SLC7A5: variants seen among roughly 807,000 people sequenced by gnomAD.
SLC7A5 encodes the protein large neutral amino acids transporter small subunit 1.
A neutral mutation model predicts 50.2 loss-of-function variants in SLC7A5; 23 were observed. The observed-to-expected ratio is 0.46, with a 90% confidence interval of 0.33 to 0.65. SLC7A5 has a LOEUF of 0.65. SLC7A5 is among the 30% of genes least tolerant of loss of function. The pLI is 0.02. For missense variants in SLC7A5, 578 were observed against 684.4 expected, an observed-to-expected ratio of 0.84 and a Z score of 1.73; for synonymous variants, 393 against 330.6, an observed-to-expected ratio of 1.19 and a Z score of -2.05.
At chr16:87,867,150 C>T (rs1297148625) in intron 1 of SLC7A5, among the ~76,000 whole-genome samples, 1 of 152,204 alleles carries the variant, frequency 6.6e-6, no homozygotes, top group Admixed American at 6.5e-5. Flanking sequence ...GAACTCCTGA[C>T]CTCGGTAGAT....
chr16:87,849,230 TG>T (rs34180161), intron 2 of SLC7A5, among the ~76,000 whole-genome samples: 65,529 of 152,060 alleles, frequency 0.43, 16,132 homozygotes, highest in African/African-American at 0.66. Context: ...TTGCGTCCAC[TG>T]GGGGGTATAA....
At position 87,861,789 on chromosome 16, in the gene SLC7A5, C is replaced by T. The variant is rs370979985; in HGVS notation, c.538+7096G>A. Reference sequence around the variant, plus strand: ...CCCAAGAAAAAAGGGTCACAAGTGCCCGTTAGGCTCTCCTGTGTGGCTCAG... The same window carrying T: ...CCCAAGAAAAAAGGGTCACAAGTGCTCGTTAGGCTCTCCTGTGTGGCTCAG... On this transcript the variant is annotated intron_variant, in intron 1 of 9. Transcript: ENST00000261622. The surrounding 1 kb of genome is among the most constrained non-coding windows in gnomAD (Gnocchi z 4.2). Among the ~76,000 whole-genome samples the T allele has an allele frequency of 6.6e-6, 1 of 152,206 alleles. No individual in the cohort carries two copies. Among genetic ancestry groups the T allele is most frequent in the East Asian group, 1.9e-4 (1 of 5,196 alleles).
Position 87,839,732 on chromosome 16 carries a change from C to T in SLC7A5, c.909G>A (p.Glu303=), listed in dbSNP as rs1183378115. 1.2e-6 allele frequency: 2 copies of T among 1,613,804 alleles called. No homozygotes were observed. Among genetic ancestry groups the T allele is most frequent in the African/African-American group, 2.7e-5 (2 of 75,052 alleles). Residue 303 remains glutamate, a synonymous_variant, in exon 5 of 10, where the codon GAG becomes GAA. Transcript: ENST00000261622. ...CCACGGCCTCGGACGACAGCATCTG[C>T]TCGGTGGACAGGGTGGTGAAGTAGG... ...NLAYFTTLST[E]QMLSSEAVAV...
At chr16:87,865,197 CA>C (rs558909578) in intron 1 of SLC7A5, among the ~76,000 whole-genome samples, 12 of 145,068 alleles carry the variant, frequency 8.3e-5, no homozygotes, top group Non-Finnish European at 7.6e-5. Context: ...AATCACTTTC[CA>C]AAAAAAAAAG....
intron 1 of SLC7A5, among the ~76,000 whole-genome samples, chr16:87,864,427 T>C (rs2055437327): frequency 6.6e-6 from 1 of 152,180 alleles, no homozygotes; most frequent in South Asian, 2.1e-4. Flanking sequence ...TCCTGCCCAC[T>C]GGTCCGGGCT....
chr16:87,852,686 GTTGGGGGTTC>G lies in SLC7A5; in HGVS notation c.539-847_539-838del, dbSNP rs2055251442. On this transcript the variant is annotated intron_variant, in intron 1 of 9. Transcript: ENST00000261622. The surrounding 1 kb of genome is among the most constrained non-coding windows in gnomAD (Gnocchi z 4.5). ...TGTGTGTGTGTGTGTGTGTGTGTGT[GTTGGGGGTTC>G]TGTTGCAATATATAGGCACGCTGAG... 7.2e-6 allele frequency among the ~76,000 whole-genome samples: 1 copy of G among 139,200 alleles called. No homozygotes were observed. The highest frequency in any genetic ancestry group is 1.5e-5 in the Non-Finnish European group (1 of 64,568). The allele number at this position is 139,200 out of a possible 152,430, so 91.3% of individuals were successfully genotyped here.
chr16:87,867,595 C>T (rs371851571), intron 1 of SLC7A5, among the ~76,000 whole-genome samples: 97 of 151,808 alleles, frequency 6.4e-4, no homozygotes, highest in African/African-American at 2.3e-3. Context: ...CAGAAAACAG[C>T]GCCAACAGGT....
Position 87,853,488 on chromosome 16 carries a change from C to T in SLC7A5, c.539-1639G>A, listed in dbSNP as rs2055265503. ...CACCCAAACTGAAGAGGTGATTCTTCACCTCTTCCCAGGGCTCCCAGGGAC... is the reference window on the plus strand; with the variant it reads ...CACCCAAACTGAAGAGGTGATTCTTTACCTCTTCCCAGGGCTCCCAGGGAC... On this transcript the variant is annotated intron_variant, in intron 1 of 9. Coordinates refer to ENST00000261622, the MANE Select transcript of SLC7A5 (RefSeq NM_003486.7). This position sits in a 1 kb window ranked among gnomAD's most constrained non-coding sequence, Gnocchi z 4.4. 6.6e-6 allele frequency among the ~76,000 whole-genome samples: 1 copy of T among 152,178 alleles called. No individual in the cohort carries two copies. The highest frequency in any genetic ancestry group is 1.5e-5 in the Non-Finnish European group (1 of 68,038).
At chr16:87,866,336 C>T (rs1327212392) in intron 1 of SLC7A5, among the ~76,000 whole-genome samples, 1 of 152,244 alleles carries the variant, frequency 6.6e-6, no homozygotes, top group East Asian at 1.9e-4. Context: ...CTCTGGGGGT[C>T]GGGGGTGGTA....
intron 2 of SLC7A5, among the ~76,000 whole-genome samples, chr16:87,844,916 G>C (rs1270303196): frequency 6.6e-6 from 1 of 152,268 alleles, no homozygotes; most frequent in Non-Finnish European, 1.5e-5. Context: ...GGTGCAATTA[G>C]CGAAGGACCT....
chr16:87,867,968 T>C (rs920276453), intron 1 of SLC7A5, among the ~76,000 whole-genome samples: 2 of 151,168 alleles, frequency 1.3e-5, no homozygotes, highest in Non-Finnish European at 2.9e-5. Context: ...ACAAAAAAAA[T>C]TACCCGGGCG....
At chr16:87,854,597 T>A (rs369926780) in intron 1 of SLC7A5, among the ~76,000 whole-genome samples, 23 of 152,316 alleles carry the variant, frequency 1.5e-4, no homozygotes, top group African/African-American at 5.3e-4. Flanking sequence ...GGCTGTGCCC[T>A]GAGTCAGAGT....
intron 8 of SLC7A5, among the ~76,000 whole-genome samples, chr16:87,835,627 C>T (rs1237566999): frequency 6.6e-6 from 1 of 152,222 alleles, no homozygotes; most frequent in East Asian, 1.9e-4. Flanking sequence ...GCGCCCGCCA[C>T]CACGCCCAGC....
At chr16:87,847,060 G>A (rs1281516262) in intron 2 of SLC7A5, among the ~76,000 whole-genome samples, 3 of 152,334 alleles carry the variant, frequency 2.0e-5, no homozygotes, top group South Asian at 4.1e-4. Context: ...CTGATCTGGG[G>A]TTCGGAGAGC....
chr16:87,834,347 G>T, intron 9 of SLC7A5, 67 bp downstream of exon 9: 1 of 1,493,142 alleles, frequency 6.7e-7, no homozygotes, highest in Non-Finnish European at 9.1e-7. Flanking sequence ...GACGGCCGAC[G>T]CCTCTCAACT....
intron 1 of SLC7A5, among the ~76,000 whole-genome samples, chr16:87,866,898 T>A (rs1207477011): frequency 2.0e-5 from 3 of 151,998 alleles, no homozygotes; most frequent in Admixed American, 6.5e-5. Flanking sequence ...GACTCACTCC[T>A]GGCACCAGCA....
intron 7 of SLC7A5, 47 bp downstream of exon 7, chr16:87,837,798 G>T (rs746440041): frequency 2.0e-6 from 3 of 1,500,958 alleles, no homozygotes; most frequent in African/African-American, 2.7e-5. Context: ...GGGAGCCCCC[G>T]GACAACCCCC....
At chr16:87,837,471 G>T in intron 7 of SLC7A5, 1 of 284,430 alleles carries the variant, frequency 3.5e-6, no homozygotes. Flanking sequence ...CAGTCACGCG[G>T]GCTGGCACGG....
At chr16:87,854,389 T>A (rs1043200332) in intron 1 of SLC7A5, among the ~76,000 whole-genome samples, 1 of 152,242 alleles carries the variant, frequency 6.6e-6, no homozygotes, top group African/African-American at 2.4e-5. Flanking sequence ...TTTTTTACGT[T>A]TTAAGATGAG....
Sources: gnomAD v4.1 joint callset for allele counts (sites outside exome capture counted in the v4.1 genomes callset) on GRCh38, gnomAD v4.1.1 for gene constraint, Gnocchi (gnomAD v3.1) non-coding constraint, MANE v1.5 for transcripts, NCBI Gene and HGNC (gene_info 2026-07-23, HGNC 2026-07-21) for gene names.